CNTN2: variants seen among roughly 807,000 people sequenced by gnomAD.
The protein encoded by CNTN2 is contactin-2.
A neutral mutation model predicts 117.5 loss-of-function variants in CNTN2; 53 were observed. The observed-to-expected ratio is 0.45, with a 90% CI of 0.36 to 0.57. The LOEUF is 0.57. Among genes scored for constraint, CNTN2 ranks in the 20% least tolerant of loss-of-function variants. The pLI is 0.00. For synonymous variants in CNTN2, 530 were observed against 561.7 expected, an observed-to-expected ratio of 0.94 and a Z score of 0.80; for missense variants, 1,106 against 1,404.3, an observed-to-expected ratio of 0.79 and a Z score of 3.39.
chr1:205,077,919 T>G lies in CNTN2; in HGVS notation c.*4154T>G, dbSNP rs1486674095. The G allele has an allele frequency of 6.6e-6, 1 of 152,178 alleles. No homozygotes were observed. The highest frequency in any genetic ancestry group is 1.5e-5 in the Non-Finnish European group (1 of 68,036). 9.4% of individuals were successfully genotyped at this position (152,178 alleles called of 1,614,324 possible). A position where few individuals can be genotyped will look rare whatever the true frequency, so the allele number is the denominator to read the frequency against. On this transcript the variant is annotated 3_prime_UTR_variant, in exon 23 of 23. Transcript: ENST00000331830. ...GGAACCACTCCCGTTGGCCTACTGT[T>G]TCTCTCCTGTACTTCTTGTAATGAT...
Position 205,046,986 on chromosome 1 carries a change from G to A in CNTN2, c.-87+3592G>A, listed in dbSNP as rs965269718. On this transcript the variant is annotated intron_variant, in intron 1 of 22. Coordinates refer to ENST00000331830, the MANE Select transcript of CNTN2 (RefSeq NM_005076.5). ...GCAAAGACTCTAGGCTCAGATCAAGGGCCAGACTCCCCCCTGCCCAATGCT... is the reference window on the plus strand; with the variant it reads ...GCAAAGACTCTAGGCTCAGATCAAGAGCCAGACTCCCCCCTGCCCAATGCT... Among the ~76,000 whole-genome samples, 4 of 152,196 alleles carry A rather than the reference G, an allele frequency of 2.6e-5. No individual in the cohort carries two copies. In the East Asian group the frequency reaches 5.8e-4, roughly 22 times the overall value.
Position 205,062,433 on chromosome 1 carries a change from T to C in CNTN2, c.1111-7T>C, listed in dbSNP as rs753497215. On this transcript the variant is annotated splice_polypyrimidine_tract_variant and splice_region_variant and intron_variant, in intron 9 of 22. Transcript: ENST00000331830. The stretch of plus-strand genomic sequence containing the variant: ...GATCCCCCTGGGCTCTGGGCTCTTC[T>C]GCACAGAACCGGGTGGAGGTGTTGG... 3.1e-6 allele frequency: 5 copies of C among 1,610,830 alleles called. No homozygotes were observed. Among genetic ancestry groups the C allele is most frequent in the African/African-American group, 1.3e-5 (1 of 74,864 alleles).
At position 205,070,044 on chromosome 1, in the gene CNTN2, T is replaced by A; in HGVS notation, c.2414T>A (p.Val805Glu). Residue 805 changes from valine to glutamate, a missense_variant, in exon 18 of 23, where the codon GTG (valine) becomes GAG (glutamate). By Grantham distance (121) the Val-to-Glu change is moderately radical. Coordinates refer to ENST00000331830, the MANE Select transcript of CNTN2 (RefSeq NM_005076.5). ...GDGPESLTALVYSAEEEPRVA... is the reference protein window; with the variant it reads ...GDGPESLTALEYSAEEEPRVA... The stretch of plus-strand genomic sequence containing the variant: ...GGGCCCGAGAGCCTCACTGCACTCG[T>A]GTACTCAGCTGAGGAAGGTGGGCTG... The A allele has an allele frequency of 6.2e-7, 1 of 1,613,704 alleles. No homozygotes were observed.
intron 20 of CNTN2, 76 bp downstream of exon 20, chr1:205,072,209 A>C: frequency 7.2e-7 from 1 of 1,389,304 alleles, no homozygotes; most frequent in Non-Finnish European, 9.8e-7. Context: ...TCCTTCCCCA[A>C]TGATAAGACA....
At position 205,073,622 on chromosome 1, in the gene CNTN2, C is replaced by T; in HGVS notation, c.3014-34C>T. The T allele has an allele frequency of 6.3e-7, 1 of 1,595,854 alleles. No homozygotes were observed. The highest frequency in any genetic ancestry group is 1.1e-5 in the South Asian group (1 of 90,392). On this transcript the variant is annotated intron_variant, in intron 22 of 22. Coordinates refer to ENST00000331830, the MANE Select transcript of CNTN2 (RefSeq NM_005076.5). This position sits in a 1 kb window ranked among gnomAD's most constrained non-coding sequence, Gnocchi z 6.3. The stretch of plus-strand genomic sequence containing the variant: ...CACAAGGGTGGGGCTAGGGTAGTCC[C>T]AGGCCCAGCTGACTCAGCTTGTGCT...
chr1:205,056,090 G>A (rs755685755), intron 2 of CNTN2, among the ~76,000 whole-genome samples: 22 of 152,134 alleles, frequency 1.4e-4, no homozygotes, highest in African/African-American at 3.6e-4. Flanking sequence ...TGAGAGATGC[G>A]AAGGGGTGTG....
chr1:205,059,696 G>C lies in CNTN2; in HGVS notation c.797+14G>C. The C allele has an allele frequency of 6.4e-7, 1 of 1,574,560 alleles. No homozygotes were observed. The highest frequency in any genetic ancestry group is 1.8e-5 in the Admixed American group (1 of 54,508). ...CGCCTTTGGGAAGTGAGTGTGAAGAGGGAGGGGAAGCAGAGCACGGTCTCT... is the reference window on the plus strand; with the variant it reads ...CGCCTTTGGGAAGTGAGTGTGAAGACGGAGGGGAAGCAGAGCACGGTCTCT... On this transcript the variant is annotated intron_variant, in intron 7 of 22. Transcript: ENST00000331830. This position sits in a 1 kb window ranked among gnomAD's most constrained non-coding sequence, Gnocchi z 5.6.
At chr1:205,046,868 T>A (rs1055486414) in intron 1 of CNTN2, among the ~76,000 whole-genome samples, 1 of 152,092 alleles carries the variant, frequency 6.6e-6, no homozygotes, top group South Asian at 2.1e-4. Context: ...TGGCTTCTGA[T>A]CCTGAGCTTC....
intron 1 of CNTN2, 150 bp from the exon 2 acceptor site, chr1:205,052,950 C>T (rs1029496662): frequency 2.4e-6 from 1 of 412,566 alleles, no homozygotes; most frequent in Non-Finnish European, 4.3e-6. Flanking sequence ...AATAGCCAAG[C>T]CCCTTCCTCT....
At chr1:205,047,584 C>A (rs1229289749) in intron 1 of CNTN2, among the ~76,000 whole-genome samples, 1 of 152,248 alleles carries the variant, frequency 6.6e-6, no homozygotes, top group Admixed American at 6.5e-5. Flanking sequence ...GGGCTGTGTC[C>A]TTGTGCCCTA....
Position 205,058,268 on chromosome 1 carries a change from C to A in CNTN2, c.303C>A (p.Thr101=). The change falls in exon 4 of 23, where the codon ACC becomes ACA. Residue 101 remains threonine, a synonymous_variant. Transcript: ENST00000331830. The surrounding 1 kb of genome is among the most constrained non-coding windows in gnomAD (Gnocchi z 4.3). ...GCAACCTGGTCATCATGAACCCCAC[C>A]AAGGCACAGGATGCCGGGGTCTACC... ...VGGNLVIMNP[T]KAQDAGVYQC... is the part of the protein sequence containing the mutation. 6.5e-7 allele frequency: 1 copy of A among 1,542,776 alleles called. No homozygotes were observed. Among genetic ancestry groups the A allele is most frequent in the Non-Finnish European group, 8.7e-7 (1 of 1,144,718 alleles).
chr1:205,045,412 A>G (rs2096439839), intron 1 of CNTN2, among the ~76,000 whole-genome samples: 1 of 152,170 alleles, frequency 6.6e-6, no homozygotes, highest in African/African-American at 2.4e-5. Flanking sequence ...AATTGTGCTT[A>G]ACGGGGTGAT....
intron 1 of CNTN2, among the ~76,000 whole-genome samples, chr1:205,044,530 T>C (rs942204933): frequency 2.0e-5 from 3 of 147,398 alleles, no homozygotes; most frequent in Admixed American, 2.0e-4. Flanking sequence ...TGGAGAAAGG[T>C]GGGTTTCAGC....
chr1:205,074,650 TG>T lies in CNTN2; in HGVS notation c.*888del, dbSNP rs983548661. ...CATTCTGCACAGTCCCTCCAGGGTT[TG>T]GGCAGGAGATGGCCAATCATGCGCC... On this transcript the variant is annotated 3_prime_UTR_variant, in exon 23 of 23. Coordinates refer to ENST00000331830, the MANE Select transcript of CNTN2 (RefSeq NM_005076.5). 2 of 399,008 alleles carry T rather than the reference TG, an allele frequency of 5.0e-6. No individual in the cohort carries two copies. Among genetic ancestry groups the T allele is most frequent in the Non-Finnish European group, 8.8e-6 (2 of 226,174 alleles). 24.7% of individuals were successfully genotyped at this position (399,008 alleles called of 1,614,324 possible). A position where few individuals can be genotyped will look rare whatever the true frequency, so the allele number is the denominator to read the frequency against.
Position 205,071,193 on chromosome 1 carries a change from A to G in CNTN2, c.2544+655A>G, listed in dbSNP as rs1465938106. ...CTGGCCTGTCCAGGGCTGCACAGAA[A>G]ACAGCCTGAGCCGCTCTATGGACAG... is the stretch of plus-strand genomic sequence containing the variant. On this transcript the variant is annotated intron_variant, in intron 19 of 22. Coordinates refer to ENST00000331830, the MANE Select transcript of CNTN2 (RefSeq NM_005076.5). Among the ~76,000 whole-genome samples, 3 of 152,186 alleles carry G rather than the reference A, an allele frequency of 2.0e-5. No homozygotes were observed. In the East Asian group the frequency reaches 5.8e-4, roughly 30 times the overall value.
chr1:205,071,906 G>C, intron 19 of CNTN2, 41 bp from the exon 20 acceptor site: 1 of 1,567,084 alleles, frequency 6.4e-7, no homozygotes, highest in South Asian at 1.2e-5. Context: ...CTGAGATCCT[G>C]GGCTTGACTA....
In CNTN2 at chr1:205,067,256, A is replaced by G. The variant is rs762031990; in HGVS notation, c.2125+6A>G. 1.9e-6 allele frequency: 3 copies of G among 1,609,236 alleles called. No individual in the cohort carries two copies. Among genetic ancestry groups the G allele is most frequent in the Non-Finnish European group, 2.5e-6 (3 of 1,177,900 alleles). On this transcript the variant is annotated splice_donor_region_variant and intron_variant, in intron 16 of 22. Transcript: ENST00000331830. ...AATCCGGACCAGGGAAGCAGGTGAGAGTCCTGTGTGTCCCAAAAAGCTATC... is the reference window on the plus strand; with the variant it reads ...AATCCGGACCAGGGAAGCAGGTGAGGGTCCTGTGTGTCCCAAAAAGCTATC...
intron 1 of CNTN2, among the ~76,000 whole-genome samples, chr1:205,045,418 G>C (rs1574624608): frequency 6.6e-6 from 1 of 152,154 alleles, no homozygotes; most frequent in Non-Finnish European, 1.5e-5. Flanking sequence ...GCTTAACGGG[G>C]TGATTGCACA....
intron 2 of CNTN2, among the ~76,000 whole-genome samples, chr1:205,054,866 C>A (rs2096458556): frequency 6.6e-6 from 1 of 152,172 alleles, no homozygotes; most frequent in Non-Finnish European, 1.5e-5. Flanking sequence ...TAACTCCGTT[C>A]CTCTGCAAGG....
Sources: allele counts gnomAD v4.1 joint callset (sites outside exome capture counted in the v4.1 genomes callset), GRCh38; gene constraint gnomAD v4.1.1; non-coding constraint Gnocchi (gnomAD v3.1); transcripts MANE v1.5; gene names NCBI Gene and HGNC (gene_info 2026-07-23, HGNC 2026-07-21).